PEX11B: variants seen among roughly 807,000 people sequenced by gnomAD.
PEX11B encodes peroxisomal biogenesis factor 11 beta, also known as peroxisomal membrane protein 11B.
Under a neutral mutation model 28.2 loss-of-function variants are expected in PEX11B, and 18 were observed. That is an observed-to-expected ratio of 0.64 (90% CI 0.44 to 0.95). PEX11B has a LOEUF of 0.95. Ranked by LOEUF, PEX11B falls within the 40% of genes least tolerant of loss-of-function variation. The pLI is 0.00. For synonymous variants in PEX11B, 128 were observed against 128.7 expected (o/e 0.99, Z 0.04); for missense variants, 305 against 319.8 (o/e 0.95, Z 0.35).
intron 3 of PEX11B, among the ~76,000 whole-genome samples, chr1:145,914,239 T>C (rs909004076): frequency 2.0e-5 from 3 of 152,074 alleles, no homozygotes; most frequent in African/African-American, 7.2e-5. Context: ...CTGGGTGTGG[T>C]GGCGCGTGCC....
chr1:145,912,142 C>CTTATCCTG lies in PEX11B; in HGVS notation c.*11_*18dup. Reference sequence around the variant, plus strand: ...CCATCTCACCAATTCAGGTCCCCTCCTTATCCTGTACCGGAAGGTCAGGGC... The same window carrying CTTATCCTG: ...CCATCTCACCAATTCAGGTCCCCTCCTTATCCTGTTATCCTGTACCGGAAGGTCAGGGC... On this transcript the variant is annotated 3_prime_UTR_variant, in exon 4 of 4. Coordinates refer to ENST00000369306, the MANE Select transcript of PEX11B (RefSeq NM_003846.3). The CTTATCCTG allele has an allele frequency of 6.4e-7, 1 of 1,561,540 alleles. No homozygotes were observed. Among genetic ancestry groups the CTTATCCTG allele is most frequent in the Non-Finnish European group, 8.7e-7 (1 of 1,152,316 alleles).
intron 2 of PEX11B, 63 bp from the exon 3 acceptor site, chr1:145,917,081 G>T: frequency 1.8e-6 from 2 of 1,084,760 alleles, no homozygotes; most frequent in Non-Finnish European, 2.9e-6. Flanking sequence ...ACAAGAAACA[G>T]AAACAGAGAA....
chr1:145,918,650 G>C lies in PEX11B; in HGVS notation c.39C>G (p.Ala13=). ...AWVRFSAQSQ[A]RERLCRAAQY... ...GGCCGCACCTACACAGCCGCTCCCG[G>C]GCTTGGCTCTGAGCACTGAAGCGGA... Residue 13 remains alanine, a synonymous_variant, in exon 1 of 4, where the codon GCC becomes GCG. Transcript: ENST00000369306. 1 of 1,561,480 alleles carries C rather than the reference G, an allele frequency of 6.4e-7. No homozygotes were observed.
chr1:145,913,172 A>C (rs1233841391), intron 3 of PEX11B, among the ~76,000 whole-genome samples: 1 of 152,020 alleles, frequency 6.6e-6, no homozygotes, highest in Non-Finnish European at 1.5e-5. Flanking sequence ...AAATGGGAAG[A>C]TACTGGTCAA....
At chr1:145,916,128 C>G (rs1647364141) in intron 3 of PEX11B, among the ~76,000 whole-genome samples, 2 of 152,178 alleles carry the variant, frequency 1.3e-5, no homozygotes, top group African/African-American at 4.8e-5. Context: ...GGACTCAATA[C>G]TGTCAATCAC....
chr1:145,913,036 C>T (rs965760476), intron 3 of PEX11B, among the ~76,000 whole-genome samples: 2 of 108,978 alleles, frequency 1.8e-5, no homozygotes, highest in South Asian at 3.2e-4. Flanking sequence ...TGCAGTGAGC[C>T]GAGATCTCAC....
rs1553754161 is a variant in PEX11B, at chr1:145,917,765, T to A, written c.108A>T (p.Gly36=). The A allele has an allele frequency of 6.2e-7, 1 of 1,613,872 alleles. No individual in the cohort carries two copies. The highest frequency in any genetic ancestry group is 8.5e-7 in the Non-Finnish European group (1 of 1,179,740). ...TCTGTTTCTGTAACTCAGGACTGGC[T>A]CCATGCCTCTGCAGCGCATGGCCAA... ...SLLGHALQRH[G]ASPELQKQIR... The change falls in exon 2 of 4, where the codon GGA becomes GGT. Residue 36 remains glycine (G), a synonymous_variant. Coordinates refer to ENST00000369306, the MANE Select transcript of PEX11B (RefSeq NM_003846.3).
intron 3 of PEX11B, among the ~76,000 whole-genome samples, chr1:145,914,789 A>G (rs2101859592): frequency 6.6e-6 from 1 of 152,118 alleles, no homozygotes; most frequent in Admixed American, 6.5e-5. Flanking sequence ...ACTCCATAAC[A>G]CTGTTTTAAT....
intron 3 of PEX11B, among the ~76,000 whole-genome samples, chr1:145,913,253 T>C (rs1438533574): frequency 6.6e-6 from 1 of 152,096 alleles, no homozygotes; most frequent in Non-Finnish European, 1.5e-5. Flanking sequence ...TGACTATAGT[T>C]AACAATACTG....
At chr1:145,918,291 C>T in intron 1 of PEX11B, 3 of 1,462,298 alleles carry the variant, frequency 2.1e-6, no homozygotes, top group South Asian at 1.4e-5. Context: ...ACTGGGAGTG[C>T]CTCCTCAGCT....
Position 145,912,466 on chromosome 1 carries a change from C to A in PEX11B, c.475G>T (p.Gly159Cys), listed in dbSNP as rs782466544. 5.6e-5 allele frequency: 85 copies of A among 1,519,642 alleles called. No individual in the cohort carries two copies. Among genetic ancestry groups the A allele is most frequent in the Non-Finnish European group, 6.9e-5 (78 of 1,133,944 alleles). The allele number at this position is 1,519,642 out of a possible 1,614,324, so 94.1% of individuals were successfully genotyped here. A position where few individuals can be genotyped will look rare whatever the true frequency, so the allele number is the denominator to read the frequency against. Residue 159 changes from glycine to cysteine, a missense_variant, in exon 4 of 4, where the codon GGT becomes TGT. Physicochemically the swap from Gly to Cys is radical, Grantham distance 159. Transcript: ENST00000369306. ...ESSACSRRLK[G>C]SGGGVPGGSE... ...CCTCCTGGGACTCCTCCTCCAGAAC[C>A]TTTCAGTCGCCGGCTACAAGCAGAA...
In PEX11B at chr1:145,917,012, C is replaced by T. The variant is rs369123482; in HGVS notation, c.179G>A (p.Arg60His). The T allele has an allele frequency of 2.2e-5, 36 of 1,607,568 alleles. No individual in the cohort carries two copies. Among genetic ancestry groups the T allele is most frequent in the South Asian group, 1.8e-4 (16 of 90,892 alleles). ...AAGGGCATCTGCTGAGTTACCCAGG[C>T]GTAGAACTTGTGGAGATTAGAAAGG... ...SHLSLGRKLLRLGNSADALES... is the reference protein window; with the variant it reads ...SHLSLGRKLLHLGNSADALES... Residue 60 changes from arginine to histidine, a missense_variant, in exon 3 of 4, where the codon CGC (arginine) becomes CAC (histidine). Coordinates refer to ENST00000369306, the MANE Select transcript of PEX11B (RefSeq NM_003846.3).
chr1:145,917,960 C>T, intron 1 of PEX11B, 144 bp from the exon 2 acceptor site: 1 of 1,434,242 alleles, frequency 7.0e-7, no homozygotes. Context: ...CTCACCATTT[C>T]TCCAGGCCAG....
rs369271446 is a variant in PEX11B at position 145,917,037 on chromosome 1, G to A, written c.173-19C>T. ...CGTAGAACTTGTGGAGATTAGAAAG[G>A]GAAAGCAAGGATTTGTAAGTGGAGA... On this transcript the variant is annotated intron_variant, in intron 2 of 3. Coordinates refer to ENST00000369306, the MANE Select transcript of PEX11B (RefSeq NM_003846.3). 4 of 1,533,820 alleles carry A rather than the reference G, an allele frequency of 2.6e-6. No individual in the cohort carries two copies. Among genetic ancestry groups the A allele is most frequent in the African/African-American group, 1.4e-5 (1 of 73,374 alleles).
In PEX11B at chr1:145,912,483, C is replaced by T. The variant is rs201973197; in HGVS notation, c.458G>A (p.Cys153Tyr). The change falls in exon 4 of 4, where the codon TGT (cysteine) becomes TAT (tyrosine). Residue 153 changes from cysteine (C) to tyrosine (Y), a missense_variant. Coordinates refer to ENST00000369306, the MANE Select transcript of PEX11B (RefSeq NM_003846.3). ...TCCAGAACCTTTCAGTCGCCGGCTA[C>T]AAGCAGAAGACTCTTGCTCCATCAG... The part of the protein sequence containing the change: ...RLLMEQESSA[C>Y]SRRLKGSGGG... The T allele has an allele frequency of 4.2e-4, 632 of 1,514,392 alleles. 9 individuals carry two copies. In the South Asian group the frequency reaches 7.0e-3, roughly 17 times the overall value. The allele number at this position is 1,514,392 out of a possible 1,614,324, so 93.8% of individuals were successfully genotyped here.
At chr1:145,914,944 C>T (rs1395073411) in intron 3 of PEX11B, among the ~76,000 whole-genome samples, 2 of 152,132 alleles carry the variant, frequency 1.3e-5, no homozygotes, top group African/African-American at 4.8e-5. Flanking sequence ...ACTGTTGTTG[C>T]CCAGGCTAGA....
chr1:145,913,348 A>T (rs1657891304), intron 3 of PEX11B, among the ~76,000 whole-genome samples: 1 of 152,134 alleles, frequency 6.6e-6, no homozygotes, highest in African/African-American at 2.4e-5. Flanking sequence ...GAGGTGATGG[A>T]TATGTTAATT....
chr1:145,918,596 C>CGG, intron 1 of PEX11B, 37 bp downstream of exon 1: 1 of 1,561,242 alleles, frequency 6.4e-7, no homozygotes, highest in Non-Finnish European at 8.7e-7. Context: ...CTGTCCATCC[C>CGG]TCCCCCGCCC....
At chr1:145,913,109 A>C (rs2101857253) in intron 3 of PEX11B, among the ~76,000 whole-genome samples, 1 of 151,424 alleles carries the variant, frequency 6.6e-6, no homozygotes, top group Non-Finnish European at 1.5e-5. Context: ...AAAAAGGCTA[A>C]CTCATAGGGG....
Sources: gnomAD v4.1 joint callset for allele counts (sites outside exome capture counted in the v4.1 genomes callset) on GRCh38, gnomAD v4.1.1 for gene constraint, MANE v1.5 for transcripts, NCBI Gene and HGNC (gene_info 2026-07-23, HGNC 2026-07-21) for gene names.